The following SLC2A9 variants were observed in gnomAD, a reference collection of about 807,000 sequenced individuals.
The protein encoded by SLC2A9 is solute carrier family 2 member 9.
Under a neutral mutation model 50.6 loss-of-function variants are expected in SLC2A9, and 39 were observed. That is an observed-to-expected ratio of 0.77 (90% CI 0.60 to 1.01). The LOEUF (loss-of-function observed/expected upper bound fraction) is 1.01. Ranked by LOEUF, SLC2A9 falls within the 50% of genes least tolerant of loss-of-function variation. The pLI is 0.00. For missense variants in SLC2A9, 686 were observed against 677.6 expected (o/e 1.01, Z -0.14); for synonymous variants, 324 against 276.9 (o/e 1.17, Z -1.69).
intron 10 of SLC2A9, among the ~76,000 whole-genome samples, chr4:9,861,168 G>A (rs575216607): frequency 6.6e-6 from 1 of 152,300 alleles, no homozygotes; most frequent in South Asian, 2.1e-4. Context: ...TGTACAGGAA[G>A]CATGATGCTG....
chr4:9,918,716 G>A (rs979157095), intron 7 of SLC2A9, among the ~76,000 whole-genome samples: 1 of 152,216 alleles, frequency 6.6e-6, no homozygotes, highest in Non-Finnish European at 1.5e-5. Context: ...ACGGGGAGCA[G>A]CTGGCCTGGG....
intron 10 of SLC2A9, among the ~76,000 whole-genome samples, chr4:9,858,352 A>G (rs4697900): frequency 0.52 from 78,400 of 152,032 alleles, 22,109 homozygotes; most frequent in African/African-American, 0.75. Flanking sequence ...GTGACTGTCT[A>G]GGGTTCTCTT....
intron 6 of SLC2A9, among the ~76,000 whole-genome samples, chr4:9,940,176 A>G (rs1204440002): frequency 1.3e-5 from 2 of 152,174 alleles, no homozygotes; most frequent in African/African-American, 2.4e-5. Flanking sequence ...CCCTCTTCCA[A>G]TAATGCACAG....
At chr4:9,771,649 G>A (rs13124305) in intron 1 of SLC2A9, among the ~76,000 whole-genome samples, 83,158 of 152,170 alleles carry the variant, frequency 0.55, 23,858 homozygotes, top group Non-Finnish European at 0.64. Flanking sequence ...TTTGCAGCTG[G>A]GAAAGAAAGG....
intron 3 of SLC2A9, among the ~76,000 whole-genome samples, chr4:9,814,489 T>C (rs895785021): frequency 1.3e-5 from 2 of 152,170 alleles, no homozygotes; most frequent in Non-Finnish European, 2.9e-5. Context: ...TCTATTGCTG[T>C]TTAACAAACC....
At chr4:9,891,672 G>C (rs1737463599) in intron 8 of SLC2A9, among the ~76,000 whole-genome samples, 1 of 152,226 alleles carries the variant, frequency 6.6e-6, no homozygotes, top group Non-Finnish European at 1.5e-5. Context: ...AGAGCAAGTA[G>C]GTGAGAGAGG....
intron 5 of SLC2A9, among the ~76,000 whole-genome samples, chr4:9,953,085 T>C (rs572465945): frequency 8.9e-4 from 136 of 152,346 alleles, no homozygotes; most frequent in African/African-American, 3.1e-3. Flanking sequence ...GATTCACAAG[T>C]TCTGTGACTT....
intron 2 of SLC2A9, among the ~76,000 whole-genome samples, chr4:9,999,768 T>C (rs1400964267): frequency 1.3e-5 from 2 of 152,090 alleles, no homozygotes; most frequent in Non-Finnish European, 2.9e-5. Context: ...GTGGCTTGCA[T>C]TTTCAGAGGA....
chr4:9,944,947 C>A (rs1188560225), intron 5 of SLC2A9, among the ~76,000 whole-genome samples: 4 of 152,242 alleles, frequency 2.6e-5, no homozygotes, highest in Non-Finnish European at 5.9e-5. Flanking sequence ...GCTAGGATGA[C>A]CTGCGCACAC....
chr4:9,808,239 G>C (rs2108974823), intron 3 of SLC2A9, among the ~76,000 whole-genome samples: 1 of 152,334 alleles, frequency 6.6e-6, no homozygotes, highest in Admixed American at 6.5e-5. Context: ...CAGAAAACTT[G>C]TTTCCATTTT....
At chr4:9,807,311 A>G (rs1722253937) in intron 3 of SLC2A9, among the ~76,000 whole-genome samples, 1 of 152,050 alleles carries the variant, frequency 6.6e-6, no homozygotes, top group African/African-American at 2.4e-5. Context: ...TTTCTTCTAG[A>G]ATGCCCTTTC....
At chr4:10,020,989 G>A (rs1269812024) in intron 1 of SLC2A9, among the ~76,000 whole-genome samples, 1 of 152,224 alleles carries the variant, frequency 6.6e-6, no homozygotes, top group Non-Finnish European at 1.5e-5. Context: ...GTGAGAAGAG[G>A]GACACCACCA....
chr4:10,039,407 C>A (rs1282340465), intron 1 of SLC2A9, among the ~76,000 whole-genome samples: 1 of 152,210 alleles, frequency 6.6e-6, no homozygotes, highest in African/African-American at 2.4e-5. Flanking sequence ...GGAAGGTATG[C>A]AAAAGCCATT....
intron 1 of SLC2A9, among the ~76,000 whole-genome samples, chr4:10,039,922 G>C (rs188014876): frequency 2.0e-5 from 3 of 152,376 alleles, no homozygotes; most frequent in African/African-American, 7.2e-5. Context: ...ATGAGCGCCA[G>C]TTCCAGGGCA....
At chr4:9,903,890 AT>A (rs1456113364) in intron 8 of SLC2A9, among the ~76,000 whole-genome samples, 1 of 147,538 alleles carries the variant, frequency 6.8e-6, no homozygotes, top group African/African-American at 2.5e-5. Flanking sequence ...ATATATTTAT[AT>A]ATTTTATATC....
chr4:9,801,973 C>A (rs1721468333), intron 3 of SLC2A9, among the ~76,000 whole-genome samples: 1 of 152,192 alleles, frequency 6.6e-6, no homozygotes, highest in African/African-American at 2.4e-5. Context: ...GGACTCCCAG[C>A]TGATTGATTG....
chr4:9,845,091 G>C (rs1347821637), intron 10 of SLC2A9, among the ~76,000 whole-genome samples: 1 of 151,916 alleles, frequency 6.6e-6, no homozygotes, highest in East Asian at 1.9e-4. Flanking sequence ...TCGGCTCACT[G>C]CAAGCTCCAC....
At chr4:9,945,621 G>T (rs1749010421) in intron 5 of SLC2A9, among the ~76,000 whole-genome samples, 1 of 152,182 alleles carries the variant, frequency 6.6e-6, no homozygotes, top group East Asian at 1.9e-4. Context: ...CAGGAGGCCT[G>T]ATAAGACATA....
intron 10 of SLC2A9, among the ~76,000 whole-genome samples, chr4:9,865,846 A>G (rs764618814): frequency 6.6e-6 from 1 of 152,242 alleles, no homozygotes; most frequent in Non-Finnish European, 1.5e-5. Flanking sequence ...TTGATGAGAC[A>G]GCCCAAGGTC....
Sources: allele counts gnomAD v4.1 joint callset (sites outside exome capture counted in the v4.1 genomes callset), GRCh38; gene constraint gnomAD v4.1.1; transcripts MANE v1.5; gene names NCBI Gene and HGNC (gene_info 2026-07-23, HGNC 2026-07-21).